The following FBXL17 variants were observed in gnomAD, a reference collection of about 807,000 sequenced individuals.
FBXL17 encodes F-box/LRR-repeat protein 17.
In FBXL17, 22 loss-of-function variants were observed where a neutral mutation model predicts 66.2. That is an observed-to-expected ratio of 0.33 (90% CI 0.24 to 0.47). The LOEUF is 0.47. Among genes scored for constraint, FBXL17 ranks in the 20% least tolerant of loss-of-function variants. FBXL17 has a pLI of 1.00. For synonymous variants in FBXL17, 474 were observed against 400.5 expected, an observed-to-expected ratio of 1.18 and a Z score of -2.19; for missense variants, 878 against 948.2, an observed-to-expected ratio of 0.93 and a Z score of 0.97.
At position 108,297,737 on chromosome 5, in the gene FBXL17, A is replaced by C. The variant is rs920253379; in HGVS notation, c.1506+50662T>G. ...AAAAACATTAAGCAACTCAGAAATA[A>C]ACTTCAAAAAAAGTTTATTCATAAC... is the stretch of plus-strand genomic sequence containing the variant. On this transcript the variant is annotated intron_variant, in intron 4 of 8. Transcript: ENST00000542267. 8.5e-6 allele frequency: 5 copies of C among 589,878 alleles called. No homozygotes were observed. In the African/African-American group the frequency reaches 1.0e-4, roughly 12 times the overall value. 36.5% of individuals were successfully genotyped at this position (589,878 alleles called of 1,614,324 possible).
rs182113648 is a variant in FBXL17, at chr5:108,160,324, T to C, written c.1745+25793A>G. ...ACTGATGAACAGCATTAAATTGATA[T>C]AATGGCTCTTAGTGGTTATAAATGT... On this transcript the variant is annotated intron_variant, in intron 6 of 8. Coordinates refer to ENST00000542267, the MANE Select transcript of FBXL17 (RefSeq NM_001163315.3). Among the ~76,000 whole-genome samples, 95 of 152,334 alleles carry C rather than the reference T, an allele frequency of 6.2e-4. 1 individual carries two copies. In the South Asian group the frequency reaches 0.013, roughly 21 times the overall value.
At chr5:108,209,976 C>A (rs1754296249) in intron 5 of FBXL17, among the ~76,000 whole-genome samples, 1 of 152,092 alleles carries the variant, frequency 6.6e-6, no homozygotes, top group African/African-American at 2.4e-5. Flanking sequence ...TTAATTACTG[C>A]CTCAATTTCA....
At chr5:107,924,241 C>T (rs1750421995) in intron 7 of FBXL17, among the ~76,000 whole-genome samples, 1 of 151,804 alleles carries the variant, frequency 6.6e-6, no homozygotes, top group Non-Finnish European at 1.5e-5. Flanking sequence ...CAGCCTTCAC[C>T]AAGAAATACC....
intron 6 of FBXL17, among the ~76,000 whole-genome samples, chr5:108,115,958 C>T (rs1750231563): frequency 6.6e-6 from 1 of 152,160 alleles, no homozygotes; most frequent in Admixed American, 6.6e-5. Flanking sequence ...AGGCTGACCA[C>T]CTTCCATGAC....
intron 6 of FBXL17, among the ~76,000 whole-genome samples, chr5:108,094,707 G>A (rs1749306894): frequency 6.6e-6 from 1 of 151,900 alleles, no homozygotes. Context: ...TCTGCAAAGG[G>A]CCCCCATAGT....
At chr5:108,373,952 G>T (rs1749240872) in intron 1 of FBXL17, among the ~76,000 whole-genome samples, 2 of 152,092 alleles carry the variant, frequency 1.3e-5, no homozygotes, top group Non-Finnish European at 2.9e-5. Context: ...AGGATAAAAT[G>T]TAAAAACACA....
intron 6 of FBXL17, among the ~76,000 whole-genome samples, chr5:108,090,113 G>A (rs929459699): frequency 2.0e-5 from 3 of 152,138 alleles, no homozygotes; most frequent in Non-Finnish European, 4.4e-5. Context: ...ACAGGTGTGA[G>A]CCACCATGCC....
intron 4 of FBXL17, among the ~76,000 whole-genome samples, chr5:108,270,065 T>C (rs551337881): frequency 1.3e-5 from 2 of 152,180 alleles, no homozygotes; most frequent in African/African-American, 4.8e-5. Flanking sequence ...TCAACAATTT[T>C]GAAACTAAGA....
At chr5:108,161,411 G>A (rs1180661872) in intron 6 of FBXL17, among the ~76,000 whole-genome samples, 2 of 152,202 alleles carry the variant, frequency 1.3e-5, no homozygotes, top group Non-Finnish European at 2.9e-5. Flanking sequence ...GCTTGAACCC[G>A]GGAGGCGGAG....
At chr5:108,299,837 T>A (rs1367405202) in intron 4 of FBXL17, 2 of 984,550 alleles carry the variant, frequency 2.0e-6, no homozygotes, top group South Asian at 4.7e-5. Flanking sequence ...CAGTCGAGAA[T>A]CTGAAAAAAA....
Position 108,325,685 on chromosome 5 carries a change from G to A in FBXL17, c.1506+22714C>T, listed in dbSNP as rs77581333. On this transcript the variant is annotated intron_variant, in intron 4 of 8. Coordinates refer to ENST00000542267, the MANE Select transcript of FBXL17 (RefSeq NM_001163315.3). The stretch of plus-strand genomic sequence containing the variant: ...AAACAGTAAATACCCTATTTGTCTG[G>A]AATTGGATCATAGGTACACCTAGAA... Among the ~76,000 whole-genome samples, 569 of 152,214 alleles carry A rather than the reference G, an allele frequency of 3.7e-3. 21 individuals carry two copies. The East Asian group carries it at 0.069, about 18-fold the overall frequency.
In FBXL17 at chr5:108,381,011, A is replaced by C. The variant is rs1045422883; in HGVS notation, c.681T>G (p.Gly227=). 2.4e-5 allele frequency: 28 copies of C among 1,180,588 alleles called. No individual in the cohort carries two copies. The highest frequency in any genetic ancestry group is 8.4e-5 in the South Asian group (2 of 23,758). The allele number at this position is 1,180,588 out of a possible 1,614,324, so 73.1% of individuals were successfully genotyped here. The change falls in exon 1 of 9, where the codon GGT becomes GGG. Residue 227 remains glycine (G), a synonymous_variant. Coordinates refer to ENST00000542267, the MANE Select transcript of FBXL17 (RefSeq NM_001163315.3). ...CTCCCCCCGCAGGCCCTCCCCCGCCACCGCCGCCGCCGCCGCCGCCGCAGC... is the reference window on the plus strand; with the variant it reads ...CTCCCCCCGCAGGCCCTCCCCCGCCCCCGCCGCCGCCGCCGCCGCCGCAGC... ...GGGCGGGGGG[G]GGGGPAGGGA...
At chr5:108,365,875 GTGT>G (rs1748627242) in intron 2 of FBXL17, among the ~76,000 whole-genome samples, 1 of 152,048 alleles carries the variant, frequency 6.6e-6, no homozygotes, top group South Asian at 2.1e-4. Flanking sequence ...CAAAGGATAT[GTGT>G]TCGTCTCATT....
intron 6 of FBXL17, among the ~76,000 whole-genome samples, chr5:108,175,980 T>C (rs1332591599): frequency 6.6e-6 from 1 of 152,216 alleles, no homozygotes; most frequent in Non-Finnish European, 1.5e-5. Context: ...TTATCACACA[T>C]TTTTAAATTT....
intron 6 of FBXL17, among the ~76,000 whole-genome samples, chr5:108,175,121 A>C (rs1258645790): frequency 1.3e-5 from 2 of 152,188 alleles, no homozygotes; most frequent in African/African-American, 4.8e-5. Flanking sequence ...TTTAAAAGAA[A>C]ATTTATTCAT....
chr5:107,950,705 A>G (rs1751471727), intron 7 of FBXL17, among the ~76,000 whole-genome samples: 1 of 152,196 alleles, frequency 6.6e-6, no homozygotes, highest in South Asian at 2.1e-4. Flanking sequence ...ATTTCCCTAA[A>G]TTGAATATTT....
intron 6 of FBXL17, among the ~76,000 whole-genome samples, chr5:108,040,989 TTGTAA>T (rs1488427499): frequency 2.0e-5 from 3 of 152,196 alleles, no homozygotes; most frequent in African/African-American, 4.8e-5. Context: ...GGTTTCTGTC[TTGTAA>T]TGTATGAATA....
At chr5:108,083,244 CACACACAG>C (rs1685766813) in intron 6 of FBXL17, among the ~76,000 whole-genome samples, 1 of 139,234 alleles carries the variant, frequency 7.2e-6, no homozygotes, top group African/African-American at 2.9e-5. Flanking sequence ...CACACACACA[CACACACAG>C]AGAGAGAGAT....
intron 4 of FBXL17, 33 bp from the exon 5 acceptor site, chr5:108,224,261 G>A: frequency 7.6e-7 from 1 of 1,307,396 alleles, no homozygotes; most frequent in Non-Finnish European, 1.1e-6. Context: ...ATTATTCAAG[G>A]TAATAGTCCA....
Sources: allele counts gnomAD v4.1 joint callset (sites outside exome capture counted in the v4.1 genomes callset), GRCh38; gene constraint gnomAD v4.1.1; transcripts MANE v1.5; gene names NCBI Gene and HGNC (gene_info 2026-07-23, HGNC 2026-07-21).